HCN4: variants seen among roughly 807,000 people sequenced by gnomAD.
HCN4 encodes the protein hyperpolarization activated cyclic nucleotide gated potassium channel 4.
HCN4 carries 29 observed loss-of-function variants against 76.9 expected under a neutral mutation model. The ratio of observed to expected loss-of-function variants is 0.38; its 90% confidence interval spans 0.28 to 0.51. The LOEUF (loss-of-function observed/expected upper bound fraction) is 0.51. HCN4 is among the 20% of genes least tolerant of loss of function. The pLI is 0.90. For synonymous variants in HCN4, 772 were observed against 762.5 expected (o/e 1.01, Z -0.21); for missense variants, 1,416 against 1,715.2 (o/e 0.83, Z 3.08).
At chr15:73,359,778 G>T (rs1408986748) in intron 1 of HCN4, among the ~76,000 whole-genome samples, 1 of 152,166 alleles carries the variant, frequency 6.6e-6, no homozygotes, top group African/African-American at 2.4e-5. Context: ...CTAAACCACA[G>T]ATCAACCCCA....
At chr15:73,346,901 C>T (rs1019112529) in intron 1 of HCN4, among the ~76,000 whole-genome samples, 3 of 152,138 alleles carry the variant, frequency 2.0e-5, no homozygotes, top group Admixed American at 6.5e-5. Context: ...CTAGATATGA[C>T]GTTCAGCACC....
chr15:73,323,317 G>C lies in HCN4; in HGVS notation c.2776C>G (p.Leu926Val). ...CGGGCGCCTGGCTGCAGCGGGGTGA[G>C]CAGGGGAGAGTCGGAGGAGGACAGG... The part of the protein sequence containing the change: ...GSLSSSDSPL[L>V]TPLQPGARSP... Residue 926 changes from leucine (L) to valine (V), a missense_variant, in exon 8 of 8, where the codon CTC becomes GTC. This residue lies in a region of HCN4 where 633 missense variants were observed against 579.8 expected (regional missense o/e 1.09). Transcript: ENST00000261917. 1 of 1,557,288 alleles carries C rather than the reference G, an allele frequency of 6.4e-7. No individual in the cohort carries two copies. The highest frequency in any genetic ancestry group is 8.7e-7 in the Non-Finnish European group (1 of 1,150,128).
intron 2 of HCN4, among the ~76,000 whole-genome samples, chr15:73,333,586 C>T (rs1246530841): frequency 1.3e-5 from 2 of 152,194 alleles, no homozygotes; most frequent in African/African-American, 2.4e-5. Context: ...CACCTGCAGT[C>T]ACCCCCACCT....
intron 2 of HCN4, among the ~76,000 whole-genome samples, chr15:73,337,199 G>A (rs1027076685): frequency 3.0e-4 from 46 of 152,326 alleles, no homozygotes; most frequent in African/African-American, 1.1e-3. Flanking sequence ...CATTCTCACT[G>A]TGACTCTTTG....
rs2042881955 is a variant in HCN4, at chr15:73,323,889, T to C, written c.2204A>G (p.Asn735Ser). The C allele has an allele frequency of 2.5e-6, 4 of 1,603,972 alleles. No individual in the cohort carries two copies. Among genetic ancestry groups the C allele is most frequent in the Non-Finnish European group, 3.4e-6 (4 of 1,179,950 alleles). The change falls in exon 8 of 8, where the codon AAC becomes AGC. Residue 735 changes from asparagine to serine, a missense_variant. Asn to Ser is a conservative substitution (Grantham distance 46, BLOSUM62 1). This residue lies in a region of HCN4 where 241 missense variants were observed against 379.4 expected (regional missense o/e 0.64). Coordinates refer to ENST00000261917, the MANE Select transcript of HCN4 (RefSeq NM_005477.3). ...VQHDLNSGVFNYQENEIIQQI... is the reference protein window; with the variant it reads ...VQHDLNSGVFSYQENEIIQQI... ...CTGGATGATCTCATTCTCCTGGTAG[T>C]TGAAGACGCCGGAGTTGAGGTCGTG...
chr15:73,361,394 G>A (rs2151226384), intron 1 of HCN4, among the ~76,000 whole-genome samples: 1 of 152,306 alleles, frequency 6.6e-6, no homozygotes, highest in Admixed American at 6.5e-5. Flanking sequence ...CCTCTCCAAA[G>A]CCAACACAAT....
intron 4 of HCN4, among the ~76,000 whole-genome samples, chr15:73,326,900 T>C (rs1567772871): frequency 6.6e-6 from 1 of 151,362 alleles, no homozygotes; most frequent in Non-Finnish European, 1.5e-5. Context: ...GATTCTCCCA[T>C]CTCAGCCTCC....
intron 1 of HCN4, among the ~76,000 whole-genome samples, chr15:73,354,175 A>G (rs145706120): frequency 0.011 from 1,678 of 152,246 alleles, 26 homozygotes; most frequent in African/African-American, 0.037. Context: ...TATGTTTATC[A>G]ATATTTGAGG....
rs1395656450 is a variant in HCN4 at position 73,323,152 on chromosome 15, C to A, written c.2941G>T (p.Glu981Ter). ...SPGQLGQPPG[E>*]LSLGLATGPL... ...CCAGTGGCCAGACCTAGGGACAACTCCCCGGGAGGCTGGCCCAGCTGCCCG... is the reference window on the plus strand; with the variant it reads ...CCAGTGGCCAGACCTAGGGACAACTACCCGGGAGGCTGGCCCAGCTGCCCG... Residue 981 changes from glutamate to a stop codon, truncating the protein, a stop_gained, in exon 8 of 8, where the codon GAG (glutamate) becomes TAG (stop). Transcript: ENST00000261917. LOFTEE classifies it high-confidence loss of function. 6.3e-7 allele frequency: 1 copy of A among 1,576,524 alleles called. No homozygotes were observed. Among genetic ancestry groups the A allele is most frequent in the Non-Finnish European group, 8.6e-7 (1 of 1,162,456 alleles).
rs201156570 is a variant in HCN4, at chr15:73,323,906, G to C, written c.2187C>G (p.Leu729=). 27 of 1,603,902 alleles carry C rather than the reference G, an allele frequency of 1.7e-5. No homozygotes were observed. The highest frequency in any genetic ancestry group is 2.5e-6 in the Non-Finnish European group (3 of 1,179,948). ...SILLHKVQHD[L]NSGVFNYQEN... ...CCTGGTAGTTGAAGACGCCGGAGTTGAGGTCGTGCTGGACTTTGTGGAGGA... is the reference window on the plus strand; with the variant it reads ...CCTGGTAGTTGAAGACGCCGGAGTTCAGGTCGTGCTGGACTTTGTGGAGGA... The change falls in exon 8 of 8, where the codon CTC becomes CTG. Residue 729 remains leucine (L), a synonymous_variant. Coordinates refer to ENST00000261917, the MANE Select transcript of HCN4 (RefSeq NM_005477.3).
intron 1 of HCN4, among the ~76,000 whole-genome samples, chr15:73,346,445 GAAAGAGGTAAGAGGGAGGATC>G (rs1318899327): frequency 6.6e-6 from 1 of 152,126 alleles, no homozygotes; most frequent in Non-Finnish European, 1.5e-5. Flanking sequence ...AAATTTGCAG[GAAAGAGGTAAGAGGGAGGATC>G]AAATCTCCCA....
chr15:73,345,897 C>T (rs1310113569), intron 1 of HCN4, among the ~76,000 whole-genome samples: 1 of 152,178 alleles, frequency 6.6e-6, no homozygotes, highest in Admixed American at 6.5e-5. Context: ...GGAATGCTGA[C>T]TCGGGCGGGC....
chr15:73,356,188 G>C (rs1171651062), intron 1 of HCN4, among the ~76,000 whole-genome samples: 2 of 129,606 alleles, frequency 1.5e-5, no homozygotes, highest in African/African-American at 6.8e-5. Flanking sequence ...TTTGTTTTTT[G>C]CTTTTTTTTT....
At chr15:73,330,175 T>A (rs2042924785) in intron 3 of HCN4, among the ~76,000 whole-genome samples, 1 of 152,210 alleles carries the variant, frequency 6.6e-6, no homozygotes, top group South Asian at 2.1e-4. Flanking sequence ...AGCTGCCAAG[T>A]GAAGCCCATT....
Position 73,323,010 on chromosome 15 carries a change from G to A in HCN4, c.3083C>T (p.Pro1028Leu). ...TCTTGGGGGGCCTGGGCTGTGGCCA[G>A]GGGGGCTGAGACCTCCTCGGGGAGT... The part of the protein sequence containing the change: ...GFTPRGGLSP[P>L]GHSPGPPRTF... Residue 1028 changes from proline to leucine, a missense_variant, in exon 8 of 8, where the codon CCT (proline) becomes CTT (leucine). By Grantham distance (98) the Pro-to-Leu change is moderately conservative (BLOSUM62 -3). Coordinates refer to ENST00000261917, the MANE Select transcript of HCN4 (RefSeq NM_005477.3). The A allele has an allele frequency of 6.8e-7, 1 of 1,468,424 alleles. No homozygotes were observed. Among genetic ancestry groups the A allele is most frequent in the Non-Finnish European group, 9.0e-7 (1 of 1,110,982 alleles). 91.0% of individuals were successfully genotyped at this position (1,468,424 alleles called of 1,614,324 possible). A position where few individuals can be genotyped will look rare whatever the true frequency, so the allele number is the denominator to read the frequency against.
chr15:73,323,097 C>T lies in HCN4; in HGVS notation c.2996G>A (p.Arg999Gln), dbSNP rs1307416160. Residue 999 changes from arginine (R) to glutamine (Q), a missense_variant, in exon 8 of 8, where the codon CGG becomes CAG. Physicochemically the swap from Arg to Gln is conservative, Grantham distance 43. Transcript: ENST00000261917. The part of the protein sequence containing the change: ...GPLSTPETPP[R>Q]QPEPPSLVAG... ...CACAAGGGACGGCGGCTCAGGCTGC[C>T]GTGGGGGTGTCTCTGGCGTGCTCAG... is the stretch of plus-strand genomic sequence containing the variant. The T allele has an allele frequency of 6.3e-7, 1 of 1,588,950 alleles. No homozygotes were observed. The highest frequency in any genetic ancestry group is 8.6e-7 in the Non-Finnish European group (1 of 1,169,438).
rs1003229531 is a variant in HCN4, at chr15:73,367,329, G to T, written c.785+157C>A. ...AAGTTCCCCCAGCGCGGTGCAGGAG[G>T]GGGCCTGGGGGTGTCTCGGAGCCTA... On this transcript the variant is annotated intron_variant, in intron 1 of 7. Coordinates refer to ENST00000261917, the MANE Select transcript of HCN4 (RefSeq NM_005477.3). This position sits in a 1 kb window ranked among gnomAD's most constrained non-coding sequence, Gnocchi z 7.5. Among the ~76,000 whole-genome samples, 1 of 152,056 alleles carries T rather than the reference G, an allele frequency of 6.6e-6. No individual in the cohort carries two copies. The highest frequency in any genetic ancestry group is 2.4e-5 in the African/African-American group (1 of 41,408).
At chr15:73,357,051 C>G (rs2043084397) in intron 1 of HCN4, among the ~76,000 whole-genome samples, 1 of 152,184 alleles carries the variant, frequency 6.6e-6, no homozygotes, top group African/African-American at 2.4e-5. Flanking sequence ...CTGAGTGCTT[C>G]CTGAAACTCT....
chr15:73,360,940 G>T (rs902736260), intron 1 of HCN4, among the ~76,000 whole-genome samples: 2 of 152,206 alleles, frequency 1.3e-5, no homozygotes, highest in African/African-American at 2.4e-5. Context: ...CAACTGCAGA[G>T]CAAAAGCCAA....
Sources: allele counts gnomAD v4.1 joint callset (sites outside exome capture counted in the v4.1 genomes callset), GRCh38; gene constraint gnomAD v4.1.1; regional missense constraint gnomAD v4.1.1; non-coding constraint Gnocchi (gnomAD v3.1); transcripts MANE v1.5; gene names NCBI Gene and HGNC (gene_info 2026-07-23, HGNC 2026-07-21).